BRAF: variants seen among roughly 807,000 people sequenced by gnomAD.
BRAF encodes serine/threonine-protein kinase B-raf.
A neutral mutation model predicts 104.6 loss-of-function variants in BRAF; 16 were observed. The observed-to-expected ratio is 0.15, with a 90% CI of 0.10 to 0.23. BRAF has a LOEUF of 0.23. Ranked by LOEUF, BRAF falls within the 10% of genes least tolerant of loss-of-function variation. The pLI, the probability that BRAF is intolerant of heterozygous loss-of-function variation, is 1.00. For synonymous variants in BRAF, 310 were observed against 341.6 expected (o/e 0.91, Z 1.02); for missense variants, 541 against 937.3 (o/e 0.58, Z 5.52).
intron 17 of BRAF, chr7:140,741,318 TTAAG>T (rs1257520669): frequency 6.6e-6 from 1 of 152,176 alleles, no homozygotes; most frequent in Non-Finnish European, 1.5e-5. Context: ...GATAATACAG[TTAAG>T]TAAGTAACAG....
intron 14 of BRAF, among the ~76,000 whole-genome samples, chr7:140,765,435 C>T (rs1221616927): frequency 1.3e-5 from 2 of 152,080 alleles, no homozygotes; most frequent in African/African-American, 2.4e-5. Context: ...CAACAAAAGC[C>T]AAAATGGACA....
At chr7:140,827,197 C>A (rs1806153161) in intron 3 of BRAF, among the ~76,000 whole-genome samples, 1 of 152,144 alleles carries the variant, frequency 6.6e-6, no homozygotes, top group Non-Finnish European at 1.5e-5. Flanking sequence ...GGAGTCTAAC[C>A]CTGCTGTTTT....
intron 2 of BRAF, among the ~76,000 whole-genome samples, chr7:140,843,289 G>A (rs1239212946): frequency 2.0e-5 from 3 of 152,194 alleles, no homozygotes; most frequent in Non-Finnish European, 2.9e-5. Context: ...TCTGCTTTCT[G>A]CTTTGAGGAG....
chr7:140,775,682 G>C (rs1008783959), intron 14 of BRAF, among the ~76,000 whole-genome samples: 1 of 152,194 alleles, frequency 6.6e-6, no homozygotes, highest in African/African-American at 2.4e-5. Context: ...AACAGATTCA[G>C]AGATTCTAAC....
chr7:140,888,467 C>T (rs1296777024), intron 1 of BRAF, among the ~76,000 whole-genome samples: 1 of 152,026 alleles, frequency 6.6e-6, no homozygotes, highest in Non-Finnish European at 1.5e-5. Flanking sequence ...ATTATTGCTG[C>T]TAGAGGGGAA....
chr7:140,806,237 G>C (rs62484288), intron 5 of BRAF, among the ~76,000 whole-genome samples: 1 of 152,068 alleles, frequency 6.6e-6, no homozygotes, highest in African/African-American at 2.4e-5. Context: ...TTCTGTCTCT[G>C]AGAAACCTTC....
intron 12 of BRAF, among the ~76,000 whole-genome samples, chr7:140,778,618 A>T (rs1461737791): frequency 6.6e-6 from 1 of 152,066 alleles, no homozygotes; most frequent in Non-Finnish European, 1.5e-5. Context: ...TAATGGGTGC[A>T]GCACACCAGC....
chr7:140,922,152 A>G (rs1818292455), intron 1 of BRAF, among the ~76,000 whole-genome samples: 2 of 152,240 alleles, frequency 1.3e-5, no homozygotes, highest in African/African-American at 4.8e-5. Context: ...ACCACTAAAC[A>G]TTAAAACCTG....
At chr7:140,874,178 C>A (rs1444330239) in intron 1 of BRAF, among the ~76,000 whole-genome samples, 1 of 151,518 alleles carries the variant, frequency 6.6e-6, no homozygotes, top group Admixed American at 6.6e-5. Flanking sequence ...CATCATGAAA[C>A]CATCAGTGAG....
chr7:140,760,709 T>C (rs193212372), intron 14 of BRAF, among the ~76,000 whole-genome samples: 49 of 145,082 alleles, frequency 3.4e-4, no homozygotes, highest in African/African-American at 1.2e-3. Flanking sequence ...CTGATGGGGC[T>C]GAAAGCCAAG....
At chr7:140,764,696 C>G (rs1351356133) in intron 14 of BRAF, among the ~76,000 whole-genome samples, 5 of 152,176 alleles carry the variant, frequency 3.3e-5, no homozygotes, top group Non-Finnish European at 5.9e-5. Context: ...CTTCCATTCA[C>G]AATTGCTTCA....
At chr7:140,762,273 C>T (rs1306712051) in intron 14 of BRAF, among the ~76,000 whole-genome samples, 2 of 152,188 alleles carry the variant, frequency 1.3e-5, no homozygotes, top group African/African-American at 4.8e-5. Context: ...ACTGAACAAG[C>T]TGCTCCTGAA....
chr7:140,757,741 T>TGAAAAAAGGAGATTTTTAAA (rs1169897122), intron 14 of BRAF, among the ~76,000 whole-genome samples: 1 of 152,208 alleles, frequency 6.6e-6, no homozygotes, highest in Admixed American at 6.5e-5. Context: ...ACGTGAGAGC[T>TGAAAAAAGGAGATTTTTAAA]GAAAAAAGGA....
chr7:140,714,909 T>C (rs1408382903), downstream of BRAF, among the ~76,000 whole-genome samples: 3 of 151,994 alleles, frequency 2.0e-5, no homozygotes, highest in Admixed American at 6.6e-5. Context: ...GAGGAGCCAG[T>C]TGTGCGAGGG....
At chr7:140,802,421 C>T (rs778248792) in intron 5 of BRAF, among the ~76,000 whole-genome samples, 4 of 151,500 alleles carry the variant, frequency 2.6e-5, no homozygotes, top group East Asian at 1.9e-4. Flanking sequence ...TTCAGCCTCC[C>T]GAGCAGCTGG....
chr7:140,864,078 T>C (rs566923408), intron 1 of BRAF, among the ~76,000 whole-genome samples: 12 of 152,210 alleles, frequency 7.9e-5, no homozygotes, highest in Non-Finnish European at 1.8e-4. Flanking sequence ...CCTCTAATTA[T>C]CACTCTAGTG....
At chr7:140,872,765 A>G (rs553075080) in intron 1 of BRAF, among the ~76,000 whole-genome samples, 2 of 152,270 alleles carry the variant, frequency 1.3e-5, no homozygotes, top group Non-Finnish European at 2.9e-5. Context: ...CAGGAGGCCA[A>G]AGAGGAAGAA....
At chr7:140,842,919 T>C (rs959217197) in intron 2 of BRAF, among the ~76,000 whole-genome samples, 8 of 152,208 alleles carry the variant, frequency 5.3e-5, no homozygotes, top group Non-Finnish European at 1.0e-4. Context: ...GGATTTCTGA[T>C]GGTGGTGTAA....
chr7:140,850,347 G>A, intron 1 of BRAF, 135 bp from the exon 2 acceptor site: 1 of 624,998 alleles, frequency 1.6e-6, no homozygotes, highest in South Asian at 2.3e-5. Context: ...TTAGTACAGT[G>A]GTTTTTCTCT....
Sources: gnomAD v4.1 joint callset for allele counts (sites outside exome capture counted in the v4.1 genomes callset) on GRCh38, gnomAD v4.1.1 for gene constraint, MANE v1.5 for transcripts, NCBI Gene and HGNC (gene_info 2026-07-23, HGNC 2026-07-21) for gene names.